The following GLIS3 variants were observed in gnomAD, a reference collection of about 807,000 sequenced individuals.
GLIS3 encodes the protein GLIS family zinc finger 3, also known as zinc finger protein GLIS3.
A neutral mutation model predicts 78.6 loss-of-function variants in GLIS3; 53 were observed. The observed-to-expected ratio is 0.67, with a 90% confidence interval of 0.54 to 0.85. The LOEUF is 0.85. Ranked by LOEUF, GLIS3 falls within the 40% of genes least tolerant of loss-of-function variation. The probability of loss-of-function intolerance (pLI) is 0.00; values close to 1 mark genes in which losing one functional copy is unlikely to be tolerated. For missense variants in GLIS3, 1,703 were observed against 1,231.1 expected (o/e 1.38, Z -5.74); for synonymous variants, 684 against 509.9 (o/e 1.34, Z -4.60).
chr9:4,304,581 G>A (rs1817179957), upstream of GLIS3, among the ~76,000 whole-genome samples: 1 of 152,136 alleles, frequency 6.6e-6, no homozygotes, highest in Non-Finnish European at 1.5e-5. Flanking sequence ...GAAAAGGGAA[G>A]AAAAGAAATG....
intron 4 of GLIS3, among the ~76,000 whole-genome samples, chr9:4,039,176 G>A (rs1824585230): frequency 6.6e-6 from 1 of 152,120 alleles, no homozygotes. Context: ...CATTTCATAT[G>A]GAATTTAATA....
intron 4 of GLIS3, among the ~76,000 whole-genome samples, chr9:3,939,349 C>A (rs1382289671): frequency 6.6e-6 from 1 of 152,206 alleles, no homozygotes; most frequent in Non-Finnish European, 1.5e-5. Context: ...CTGATTAATT[C>A]AAACTGTTCA....
chr9:4,437,694 C>A, the GLIS3 span, among the ~76,000 whole-genome samples: 3 of 152,212 alleles, frequency 2.0e-5, no homozygotes, highest in African/African-American at 7.2e-5. Flanking sequence ...TTCCCTTCCA[C>A]CTCCTCCACT....
the GLIS3 span, among the ~76,000 whole-genome samples, chr9:4,367,565 T>C: frequency 8.0e-4 from 108 of 135,352 alleles, no homozygotes; most frequent in East Asian, 0.021. Context: ...ACCCGGAATG[T>C]GGAAGTAGCA....
the GLIS3 span, among the ~76,000 whole-genome samples, chr9:4,375,193 G>C: frequency 0.029 from 4,357 of 152,188 alleles, 104 homozygotes; most frequent in South Asian, 0.11. Context: ...AATCAGCCTC[G>C]TTCAAAAGAG....
At chr9:4,112,251 A>G (rs1426074389) in intron 4 of GLIS3, among the ~76,000 whole-genome samples, 1 of 152,154 alleles carries the variant, frequency 6.6e-6, no homozygotes. Flanking sequence ...GCCACTACCA[A>G]TCATTCTAAT....
intron 4 of GLIS3, among the ~76,000 whole-genome samples, chr9:4,091,071 G>C (rs1033869820): frequency 5.3e-5 from 8 of 152,188 alleles, no homozygotes; most frequent in Non-Finnish European, 1.5e-5. Context: ...TAAAATGTTT[G>C]AGGCTGGGCA....
intron 2 of GLIS3, among the ~76,000 whole-genome samples, chr9:4,197,655 C>T (rs1818991282): frequency 1.3e-5 from 2 of 152,220 alleles, no homozygotes; most frequent in African/African-American, 4.8e-5. Context: ...CCACCCACTT[C>T]ACCGGGGCTG....
rs1302730609 is a variant in GLIS3, at chr9:4,204,943, C to T, written c.389-79002G>A. On this transcript the variant is annotated intron_variant, in intron 2 of 10. Transcript: ENST00000381971. The stretch of plus-strand genomic sequence containing the variant: ...AAAAAGAAGGAGTCAGTTGGGAGGC[C>T]GAGGTGGGCAAATCACCTCAGGTCA... Among the ~76,000 whole-genome samples the T allele has an allele frequency of 4.0e-5, 6 of 151,478 alleles. No homozygotes were observed. In the East Asian group the frequency reaches 5.8e-4, roughly 15 times the overall value.
At chr9:4,120,453 G>A (rs1832090245) in intron 3 of GLIS3, among the ~76,000 whole-genome samples, 1 of 152,174 alleles carries the variant, frequency 6.6e-6, no homozygotes, top group African/African-American at 2.4e-5. Context: ...CCTCCACAGT[G>A]GTTCTGGAAC....
the GLIS3 span, among the ~76,000 whole-genome samples, chr9:4,454,462 T>C: frequency 6.6e-6 from 1 of 152,214 alleles, no homozygotes; most frequent in Non-Finnish European, 1.5e-5. Flanking sequence ...ATATATGTCT[T>C]ATCTAAAGTT....
intron 4 of GLIS3, among the ~76,000 whole-genome samples, chr9:4,018,125 A>G (rs1456429718): frequency 1.3e-5 from 2 of 152,236 alleles, no homozygotes; most frequent in African/African-American, 4.8e-5. Context: ...AGGAATCACA[A>G]TTATAAAGTC....
At chr9:3,964,206 C>G (rs1817763862) in intron 4 of GLIS3, among the ~76,000 whole-genome samples, 1 of 152,110 alleles carries the variant, frequency 6.6e-6, no homozygotes, top group African/African-American at 2.4e-5. Flanking sequence ...TGCTATGTAT[C>G]TCCTCAGTCT....
In GLIS3 at chr9:4,286,103, C is replaced by A. The variant is rs1020349405; in HGVS notation, c.323G>T (p.Gly108Val). Residue 108 changes from glycine (G) to valine (V), a missense_variant, in exon 2 of 11, where the codon GGG becomes GTG. Gly to Val is a moderately radical substitution (Grantham distance 109). Transcript: ENST00000381971. ...FQVTQAGGMSGSHTLKPKQQE... is the reference protein window; with the variant it reads ...FQVTQAGGMSVSHTLKPKQQE... ...CTGCTTTGGCTTTAAAGTATGTGAC[C>A]CTGACATGCCTCCAGCCTGGGTGAC... 1.4e-5 allele frequency: 22 copies of A among 1,613,416 alleles called. No individual in the cohort carries two copies. Among genetic ancestry groups the A allele is most frequent in the Non-Finnish European group, 1.7e-5 (20 of 1,179,468 alleles).
At chr9:4,101,656 G>C (rs545951135) in intron 4 of GLIS3, among the ~76,000 whole-genome samples, 62 of 152,230 alleles carry the variant, frequency 4.1e-4, no homozygotes, top group South Asian at 1.7e-3. Context: ...GATTCAGAAA[G>C]CTGTTTGTTT....
chr9:4,198,649 A>T (rs77641231), intron 2 of GLIS3, among the ~76,000 whole-genome samples: 1 of 152,212 alleles, frequency 6.6e-6, no homozygotes, highest in East Asian at 1.9e-4. Context: ...TGAGAAAATA[A>T]TTCAAGAAAA....
chr9:3,908,402 C>T (rs1237850724), intron 6 of GLIS3, among the ~76,000 whole-genome samples: 2 of 152,114 alleles, frequency 1.3e-5, no homozygotes, highest in Admixed American at 1.3e-4. Flanking sequence ...GTGACAACTC[C>T]AAGGCTCGGA....
intron 2 of GLIS3, among the ~76,000 whole-genome samples, chr9:4,179,364 T>C (rs1005848475): frequency 3.9e-5 from 6 of 152,168 alleles, no homozygotes; most frequent in African/African-American, 1.4e-4. Context: ...GCAGTCAAAT[T>C]ACAAAACATG....
chr9:4,295,281 T>C (rs4741937), intron 1 of GLIS3, among the ~76,000 whole-genome samples: 140,782 of 152,134 alleles, frequency 0.93, 65,673 homozygotes, highest in Non-Finnish European at 0.98. Context: ...TTTTCCTGCT[T>C]CCTACACTGG....
Sources: allele counts gnomAD v4.1 joint callset (sites outside exome capture counted in the v4.1 genomes callset), GRCh38; gene constraint gnomAD v4.1.1; transcripts MANE v1.5; gene names NCBI Gene and HGNC (gene_info 2026-07-23, HGNC 2026-07-21).